Variants in NRG1 observed in about 807,000 individuals in gnomAD.
NRG1 encodes the protein pro-neuregulin-1, membrane-bound isoform.
NRG1 carries 18 observed loss-of-function variants against 63.8 expected under a neutral mutation model. The observed-to-expected ratio is 0.28, with a 90% confidence interval of 0.19 to 0.42. The LOEUF (loss-of-function observed/expected upper bound fraction) is 0.42. Ranked by LOEUF, NRG1 falls within the 10% of genes least tolerant of loss-of-function variation. The pLI is 1.00. For synonymous variants in NRG1, 302 were observed against 301.3 expected (o/e 1.00, Z -0.02); for missense variants, 762 against 814.7 (o/e 0.94, Z 0.79).
intron 1 of NRG1, among the ~76,000 whole-genome samples, chr8:31,715,227 A>G (rs1563321687): frequency 6.6e-6 from 1 of 152,206 alleles, no homozygotes; most frequent in East Asian, 1.9e-4. Flanking sequence ...AAACCTATAA[A>G]ATATGTAATA....
At chr8:32,182,464 C>T (rs1322685350) in intron 1 of NRG1, among the ~76,000 whole-genome samples, 1 of 152,174 alleles carries the variant, frequency 6.6e-6, no homozygotes, top group Admixed American at 6.5e-5. Context: ...CCAGGCTGGT[C>T]TCCAACTCCT....
rs145074061 is a variant in NRG1 at position 32,233,813 on chromosome 8, C to G, written c.38-362015C>G. Among the ~76,000 whole-genome samples the G allele has an allele frequency of 2.8e-3, 426 of 152,024 alleles. 3 individuals are homozygous for G. The highest frequency in any genetic ancestry group is 0.01 in the Middle Eastern group (3 of 294). On this transcript the variant is annotated intron_variant, in intron 1 of 10. Transcript: ENST00000519301. ...CTCTTGATCTCGTGATCCACCCCCC[C>G]ATCAGCCTCCCAAAGTGCTGGGATT...
intron 1 of NRG1, among the ~76,000 whole-genome samples, chr8:31,839,351 A>G (rs1396115826): frequency 6.6e-6 from 1 of 152,198 alleles, no homozygotes; most frequent in Non-Finnish European, 1.5e-5. Flanking sequence ...AAGTAATGAT[A>G]GCTGGAAATT....
At chr8:32,433,670 C>T (rs1818443639) in intron 1 of NRG1, among the ~76,000 whole-genome samples, 1 of 151,802 alleles carries the variant, frequency 6.6e-6, no homozygotes, top group Non-Finnish European at 1.5e-5. Flanking sequence ...GTTTCGGTGC[C>T]CGGCAACACA....
chr8:32,025,417 G>A (rs1297369600), intron 1 of NRG1, among the ~76,000 whole-genome samples: 1 of 152,098 alleles, frequency 6.6e-6, no homozygotes, highest in African/African-American at 2.4e-5. Context: ...TGGATAGATG[G>A]ATATATAGAC....
At chr8:32,548,333 C>T (rs1833356140) in exon 1 of NRG1, 2 of 1,001,850 alleles carry the variant, frequency 2.0e-6, no homozygotes, top group African/African-American at 1.7e-5. Flanking sequence ...ACTCCGGGCT[C>T]GCGCGGAGGC....
chr8:32,409,858 G>A (rs1814638324), intron 1 of NRG1, among the ~76,000 whole-genome samples: 1 of 152,168 alleles, frequency 6.6e-6, no homozygotes, highest in Non-Finnish European at 1.5e-5. Context: ...CAAATTGGAA[G>A]GGTGATGGAG....
intron 1 of NRG1, among the ~76,000 whole-genome samples, chr8:32,394,300 T>C (rs1812161060): frequency 6.6e-6 from 1 of 152,214 alleles, no homozygotes; most frequent in Non-Finnish European, 1.5e-5. Context: ...GACAATGCTC[T>C]TTAGATATTC....
chr8:31,857,618 C>T lies in NRG1; in HGVS notation c.37+218187C>T, dbSNP rs558851226. Among the ~76,000 whole-genome samples the T allele has an allele frequency of 5.3e-5, 8 of 152,338 alleles. No homozygotes were observed. The East Asian group carries it at 9.7e-4, about 18-fold the overall frequency. On this transcript the variant is annotated intron_variant, in intron 1 of 10. Transcript: ENST00000519301. ...GCTGTAGACCAGAGCTGTTCCTATT[C>T]GGCCATCTTGGCTTCAAGAGCGGGA...
intron 1 of NRG1, among the ~76,000 whole-genome samples, chr8:32,385,579 G>A (rs1048592970): frequency 6.6e-6 from 1 of 152,104 alleles, no homozygotes. Context: ...GAGAAGGCAC[G>A]TCTTACATGG....
chr8:32,445,818 T>A (rs1187978763), intron 1 of NRG1, among the ~76,000 whole-genome samples: 1 of 151,952 alleles, frequency 6.6e-6, no homozygotes, highest in Non-Finnish European at 1.5e-5. Context: ...GATTACTAAT[T>A]GTCTAAAATT....
chr8:31,867,544 C>T (rs1012280679), intron 1 of NRG1, among the ~76,000 whole-genome samples: 1 of 151,860 alleles, frequency 6.6e-6, no homozygotes, highest in African/African-American at 2.4e-5. Flanking sequence ...TATAAAGCCA[C>T]ATAATTCAAG....
intron 1 of NRG1, among the ~76,000 whole-genome samples, chr8:31,736,954 C>T (rs944751760): frequency 6.6e-6 from 1 of 152,114 alleles, no homozygotes; most frequent in African/African-American, 2.4e-5. Flanking sequence ...AATGTAAAAT[C>T]TTTAGAGCAT....
intron 1 of NRG1, among the ~76,000 whole-genome samples, chr8:31,962,298 C>T (rs576774262): frequency 5.3e-4 from 80 of 152,214 alleles, no homozygotes; most frequent in South Asian, 5.2e-3. Flanking sequence ...CCTAGAGTTA[C>T]GGAGATAACT....
chr8:32,247,444 T>C (rs1848693898), intron 1 of NRG1, among the ~76,000 whole-genome samples: 1 of 152,128 alleles, frequency 6.6e-6, no homozygotes, highest in Non-Finnish European at 1.5e-5. Context: ...ACATATCAAA[T>C]AAACCTAATT....
chr8:31,825,025 A>T (rs1319906683), intron 1 of NRG1, among the ~76,000 whole-genome samples: 1 of 152,240 alleles, frequency 6.6e-6, no homozygotes, highest in African/African-American at 2.4e-5. Context: ...AGGTAAAAAA[A>T]TCGCCTCATT....
At chr8:32,189,333 A>G (rs1398218985) in intron 1 of NRG1, among the ~76,000 whole-genome samples, 3 of 152,072 alleles carry the variant, frequency 2.0e-5, no homozygotes, top group Non-Finnish European at 2.9e-5. Flanking sequence ...AACGTGTAGT[A>G]TTTGATTTTC....
chr8:32,710,966 G>A (rs1403533696), intron 5 of NRG1, among the ~76,000 whole-genome samples: 1 of 152,096 alleles, frequency 6.6e-6, no homozygotes, highest in Non-Finnish European at 1.5e-5. Context: ...CAACCTAAAG[G>A]TAATATTTTA....
chr8:32,359,685 G>T (rs1806960528), intron 1 of NRG1, among the ~76,000 whole-genome samples: 1 of 152,184 alleles, frequency 6.6e-6, no homozygotes, highest in South Asian at 2.1e-4. Context: ...GTGGAAGTAG[G>T]TTTGGAATGG....
Sources: gnomAD v4.1 joint callset for allele counts (sites outside exome capture counted in the v4.1 genomes callset) on GRCh38, gnomAD v4.1.1 for gene constraint, MANE v1.5 for transcripts, NCBI Gene and HGNC (gene_info 2026-07-23, HGNC 2026-07-21) for gene names.